The following LAMB4 variants were observed in gnomAD, a reference collection of about 807,000 sequenced individuals.
The protein encoded by LAMB4 is laminin subunit beta 4.
LAMB4 carries 196 observed loss-of-function variants against 199.2 expected under a neutral mutation model. The ratio of observed to expected loss-of-function variants is 0.98; its 90% CI spans 0.88 to 1.11. The LOEUF (loss-of-function observed/expected upper bound fraction) is 1.11. LAMB4 is among the 50% of genes least tolerant of loss of function. The probability of loss-of-function intolerance (pLI) is 0.00; values close to 1 mark genes in which losing one functional copy is unlikely to be tolerated. For missense variants in LAMB4, 2,080 were observed against 2,171.2 expected (o/e 0.96, Z 0.83); for synonymous variants, 744 against 770.6 (o/e 0.97, Z 0.57).
intron 23 of LAMB4, 29 bp downstream of exon 23, chr7:108,062,745 G>A (rs1404069591): frequency 1.6e-6 from 2 of 1,244,502 alleles, no homozygotes; most frequent in African/African-American, 3.1e-5. Flanking sequence ...CTCACTTTGA[G>A]TGCACTAGTA....
At chr7:108,106,657 C>A in intron 6 of LAMB4, 85 bp from the exon 7 acceptor site, 1 of 775,718 alleles carries the variant, frequency 1.3e-6, no homozygotes, top group Non-Finnish European at 2.1e-6. Context: ...TCAAACCTCC[C>A]AGGCCCAAGA....
intron 14 of LAMB4, 83 bp from the exon 15 acceptor site, chr7:108,079,869 A>G (rs1173318918): frequency 6.3e-6 from 6 of 957,754 alleles, no homozygotes; most frequent in African/African-American, 1.7e-5. Context: ...CCACTGCACC[A>G]CCCCCTGTAT....
intron 30 of LAMB4, among the ~76,000 whole-genome samples, chr7:108,036,714 A>G (rs1288520078): frequency 6.6e-6 from 1 of 151,924 alleles, no homozygotes; most frequent in East Asian, 1.9e-4. Context: ...AAAAACATCA[A>G]CCTGGCTTTT....
Position 108,029,048 on chromosome 7 carries a change from ATTC to A in LAMB4, c.5138_5140del (p.Arg1713del). On this transcript the variant is annotated inframe_deletion, in exon 33 of 34. Coordinates refer to ENST00000388781, the MANE Select transcript of LAMB4 (RefSeq NM_007356.3). ...ATGGATAAAAGAACAGATACCTGTT[ATTC>A]TTCTTATCTTGGCCTCTGTATCTCC... 4 of 1,613,024 alleles carry A rather than the reference ATTC, an allele frequency of 2.5e-6. No individual in the cohort carries two copies. Among genetic ancestry groups the A allele is most frequent in the African/African-American group, 1.3e-5 (1 of 74,960 alleles).
At chr7:108,053,261 C>T (rs931239243) in intron 25 of LAMB4, among the ~76,000 whole-genome samples, 5 of 152,140 alleles carry the variant, frequency 3.3e-5, no homozygotes, top group Non-Finnish European at 7.4e-5. Flanking sequence ...AGTAGCTTGC[C>T]GAAAGCCACA....
Position 108,126,814 on chromosome 7 carries a change from C to A in LAMB4, c.-34+3492G>T, listed in dbSNP as rs963247834. Reference sequence around the variant, plus strand: ...CGATCTCCTGACCTCATGATCCACCCGCCTCGGCCTCCCAAAGTGCTGGGA... The same window carrying A: ...CGATCTCCTGACCTCATGATCCACCAGCCTCGGCCTCCCAAAGTGCTGGGA... On this transcript the variant is annotated intron_variant, in intron 1 of 33. Transcript: ENST00000388781. Among the ~76,000 whole-genome samples, 3 of 151,394 alleles carry A rather than the reference C, an allele frequency of 2.0e-5. No individual in the cohort carries two copies. The East Asian group carries it at 5.8e-4, about 29-fold the overall frequency.
At chr7:108,034,164 A>C in intron 31 of LAMB4, 44 bp downstream of exon 31, 1 of 1,597,614 alleles carries the variant, frequency 6.3e-7, no homozygotes, top group Non-Finnish European at 8.6e-7. Context: ...TGTTGTTTTT[A>C]CCCTCAAAAC....
At chr7:108,034,453 A>G (rs1007134762) in intron 30 of LAMB4, 107 bp from the exon 31 acceptor site, 86 of 839,042 alleles carry the variant, frequency 1.0e-4, no homozygotes, top group Middle Eastern at 3.3e-4. Flanking sequence ...TGAATTATTA[A>G]GTAAATTTAA....
chr7:108,106,748 T>C (rs181900569), intron 6 of LAMB4, among the ~76,000 whole-genome samples, 176 bp from the exon 7 acceptor site: 3 of 151,998 alleles, frequency 2.0e-5, no homozygotes, highest in Non-Finnish European at 4.4e-5. Flanking sequence ...AAGATTTTTG[T>C]AGAGGTGGGG....
chr7:108,036,047 G>A (rs948856070), intron 30 of LAMB4, among the ~76,000 whole-genome samples: 4 of 151,546 alleles, frequency 2.6e-5, no homozygotes, highest in East Asian at 2.0e-4. Context: ...TAGTAGAGAC[G>A]GGTTTTCACC....
chr7:108,062,967 C>A lies in LAMB4; in HGVS notation c.3089G>T (p.Ser1030Ile). ...CCCACCAGGGGGACACTCCATGGGA[C>A]TCACGCCGGAAGCATGGCAGGAGCA... is the stretch of plus-strand genomic sequence containing the variant. ...RRCSCHASGV[S>I]PMECPPGGGA... The change falls in exon 23 of 34, where the codon AGT (serine) becomes ATT (isoleucine). Residue 1030 changes from serine (S) to isoleucine (I), a missense_variant. Coordinates refer to ENST00000388781, the MANE Select transcript of LAMB4 (RefSeq NM_007356.3). The A allele has an allele frequency of 6.3e-7, 1 of 1,589,496 alleles. No homozygotes were observed.
chr7:108,105,203 A>G (rs955617772), intron 8 of LAMB4, among the ~76,000 whole-genome samples: 1 of 152,232 alleles, frequency 6.6e-6, no homozygotes, highest in Non-Finnish European at 1.5e-5. Context: ...GGGGCTCTGC[A>G]TAAAACTACA....
the LAMB4 span, among the ~76,000 whole-genome samples, chr7:108,013,897 G>C: frequency 1.3e-5 from 2 of 152,102 alleles, no homozygotes; most frequent in African/African-American, 4.8e-5. Context: ...CTATTTCTGT[G>C]ATTTAAAAGG....
chr7:108,017,962 T>C, the LAMB4 span, among the ~76,000 whole-genome samples: 1 of 152,230 alleles, frequency 6.6e-6, no homozygotes, highest in Admixed American at 6.5e-5. Context: ...TCGCCTAAGG[T>C]CATGCAGGGG....
At chr7:108,118,059 C>T (rs1194515672) in intron 2 of LAMB4, among the ~76,000 whole-genome samples, 1 of 152,156 alleles carries the variant, frequency 6.6e-6, no homozygotes, top group Non-Finnish European at 1.5e-5. Context: ...CCTCATTTTA[C>T]CCAGCTCCTA....
chr7:108,117,687 C>A (rs933809853), intron 2 of LAMB4, among the ~76,000 whole-genome samples: 2 of 152,156 alleles, frequency 1.3e-5, no homozygotes, highest in Non-Finnish European at 2.9e-5. Flanking sequence ...AAGAGAATGG[C>A]TACTCCATAG....
intron 23 of LAMB4, among the ~76,000 whole-genome samples, chr7:108,060,302 G>T (rs73424736): frequency 0.046 from 7,021 of 152,264 alleles, 550 homozygotes; most frequent in African/African-American, 0.16. Context: ...TTCCCAAAAG[G>T]TCTAAGAAAC....
In LAMB4 at chr7:108,063,655, G is replaced by C. The variant is rs2036239763; in HGVS notation, c.3061+106C>G. On this transcript the variant is annotated intron_variant, in intron 22 of 33. Coordinates refer to ENST00000388781, the MANE Select transcript of LAMB4 (RefSeq NM_007356.3). Reference sequence around the variant, plus strand: ...CTGTCACCTAGTGGGTGCTGCTTTTGCCTGCTGGGACTGGCCTAACTGAAA... The same window carrying C: ...CTGTCACCTAGTGGGTGCTGCTTTTCCCTGCTGGGACTGGCCTAACTGAAA... 10 of 992,202 alleles carry C rather than the reference G, an allele frequency of 1.0e-5. No homozygotes were observed. In the East Asian group the frequency reaches 2.2e-4, roughly 21 times the overall value. 61.5% of individuals were successfully genotyped at this position (992,202 alleles called of 1,614,324 possible).
downstream of LAMB4, among the ~76,000 whole-genome samples, chr7:108,023,359 C>T (rs893171739): frequency 1.3e-5 from 2 of 152,088 alleles, no homozygotes; most frequent in Admixed American, 1.3e-4. Context: ...ATCTTTTATA[C>T]TAAACAATAA....
Sources: gnomAD v4.1 joint callset for allele counts (sites outside exome capture counted in the v4.1 genomes callset) on GRCh38, gnomAD v4.1.1 for gene constraint, MANE v1.5 for transcripts, NCBI Gene and HGNC (gene_info 2026-07-23, HGNC 2026-07-21) for gene names.